Variants in TRPC5 observed in about 807,000 individuals in gnomAD.
TRPC5 encodes the protein transient receptor potential cation channel subfamily C member 5.
Under a neutral mutation model 56.5 loss-of-function variants are expected in TRPC5, and 9 were observed. The ratio of observed to expected loss-of-function variants is 0.16; its 90% CI spans 0.10 to 0.28. TRPC5 has a LOEUF of 0.28. TRPC5 is among the 10% of genes least tolerant of loss of function. The pLI, the probability that TRPC5 is intolerant of heterozygous loss-of-function variation, is 1.00. For missense variants in TRPC5, 469 were observed against 748.9 expected (o/e 0.63, Z 4.36); for synonymous variants, 282 against 278.5 (o/e 1.01, Z -0.13).
chrX:111,963,492 G>A (rs1475260625), intron 1 of TRPC5, among the ~76,000 whole-genome samples: 12 of 112,008 alleles, frequency 1.1e-4, no homozygotes, highest in African/African-American at 2.6e-4. Context: ...CTCCCAGCAC[G>A]CAGCTGGAGA....
Position 111,770,161 on chromosome X carries a change from T to C in TRPC5, c.*6152A>G, listed in dbSNP as rs936260311. Reference sequence around the variant, plus strand: ...GATGACAGCAGATACATAATCTGGCTTTTTGCCATAGTGCCCTTCCTTACC... The same window carrying C: ...GATGACAGCAGATACATAATCTGGCCTTTTGCCATAGTGCCCTTCCTTACC... On this transcript the variant is annotated 3_prime_UTR_variant, in exon 11 of 11. Transcript: ENST00000262839. 1.8e-5 allele frequency among the ~76,000 whole-genome samples: 2 copies of C among 112,254 alleles called. No homozygotes were observed. Among genetic ancestry groups the C allele is most frequent in the African/African-American group, 3.2e-5 (1 of 30,915 alleles).
intron 7 of TRPC5, among the ~76,000 whole-genome samples, chrX:111,802,116 G>A (rs746590062): frequency 1.1e-4 from 12 of 111,930 alleles, no homozygotes; most frequent in Admixed American, 3.8e-4. Flanking sequence ...TCTCAGCACC[G>A]TTTGTTAGAA....
chrX:111,938,563 T>C (rs934789312), intron 2 of TRPC5, among the ~76,000 whole-genome samples: 72 of 111,531 alleles, frequency 6.5e-4, no homozygotes, highest in African/African-American at 2.3e-3. Context: ...TGAAGGGTTG[T>C]TGAATTTTGT....
intron 7 of TRPC5, among the ~76,000 whole-genome samples, chrX:111,811,957 A>G (rs1256585501): frequency 1.8e-5 from 2 of 111,438 alleles, no homozygotes; most frequent in Non-Finnish European, 3.8e-5. Flanking sequence ...TAGATATTCA[A>G]TCAGTATTTC....
At chrX:111,904,113 G>A (rs1925496938) in intron 3 of TRPC5, 2 of 112,038 alleles carry the variant, frequency 1.8e-5, no homozygotes, top group African/African-American at 6.5e-5. Flanking sequence ...GGATTCTGAA[G>A]TTATACTTCT....
chrX:111,907,643 A>AAAT lies in TRPC5; in HGVS notation c.900+4645_900+4647dup, dbSNP rs375222117. On this transcript the variant is annotated intron_variant, in intron 3 of 10. Transcript: ENST00000262839. ...CTGTCTCAAAAATAAAAATAAAAAT[A>AAAT]AATAATAATAATAATAATAATGGAA... Among the ~76,000 whole-genome samples the AAAT allele has an allele frequency of 4.8e-3, 523 of 109,302 alleles. 3 individuals carry two copies. The highest frequency in any genetic ancestry group is 0.016 in the African/African-American group (495 of 30,105). The allele number at this position is 109,302 out of a possible 115,157, so 94.9% of individuals were successfully genotyped here. A position where few individuals can be genotyped will look rare whatever the true frequency, so the allele number is the denominator to read the frequency against.
intron 1 of TRPC5, among the ~76,000 whole-genome samples, chrX:112,056,933 T>C (rs914937521): frequency 2.7e-5 from 3 of 112,583 alleles, no homozygotes; most frequent in Non-Finnish European, 5.6e-5. Context: ...ATCTTGTAAA[T>C]TATTCAGAAA....
intron 3 of TRPC5, among the ~76,000 whole-genome samples, chrX:111,884,832 G>A (rs757939121): frequency 4.4e-5 from 5 of 112,879 alleles, no homozygotes; most frequent in Admixed American, 2.8e-4. Context: ...TAAGTCTAGA[G>A]GAGACATAGA....
intron 1 of TRPC5, among the ~76,000 whole-genome samples, chrX:112,042,943 T>G (rs1158673755): frequency 5.4e-5 from 6 of 111,753 alleles, no homozygotes. Flanking sequence ...CTCTTTTATA[T>G]GCTTATGCAA....
chrX:112,006,721 G>A (rs1250879497), intron 1 of TRPC5, among the ~76,000 whole-genome samples: 1 of 111,965 alleles, frequency 8.9e-6, no homozygotes, highest in Non-Finnish European at 1.9e-5. Flanking sequence ...ACCAGGCTGC[G>A]AGGTTTGGGT....
intron 7 of TRPC5, among the ~76,000 whole-genome samples, chrX:111,798,436 A>G (rs554005789): frequency 2.5e-3 from 285 of 112,059 alleles, no homozygotes; most frequent in Middle Eastern, 0.018. Context: ...GTTCTTGCAT[A>G]TTTTTATTGT....
intron 1 of TRPC5, among the ~76,000 whole-genome samples, chrX:112,033,053 G>T (rs1929627367): frequency 1.8e-5 from 2 of 109,282 alleles, no homozygotes; most frequent in Non-Finnish European, 3.8e-5. Context: ...AAAAGGATGA[G>T]TTCATGTCCT....
At chrX:112,031,599 T>C (rs748507028) in intron 1 of TRPC5, among the ~76,000 whole-genome samples, 1 of 110,657 alleles carries the variant, frequency 9.0e-6, no homozygotes, top group South Asian at 3.8e-4. Context: ...AAAAATAATT[T>C]ATTGAGGTGA....
At chrX:111,851,388 C>G (rs1442131864) in intron 5 of TRPC5, among the ~76,000 whole-genome samples, 1 of 111,050 alleles carries the variant, frequency 9.0e-6, no homozygotes, top group Admixed American at 9.7e-5. Flanking sequence ...GACAGCAATC[C>G]CATTATTTAA....
At chrX:111,790,612 G>C (rs1436601847) in intron 7 of TRPC5, among the ~76,000 whole-genome samples, 1 of 111,365 alleles carries the variant, frequency 9.0e-6, no homozygotes, top group Non-Finnish European at 1.9e-5. Context: ...GCTAGCTTTT[G>C]GGAAGCTTTT....
At chrX:111,832,833 GT>G (rs1418927873) in intron 7 of TRPC5, among the ~76,000 whole-genome samples, 2 of 111,131 alleles carry the variant, frequency 1.8e-5, no homozygotes, top group African/African-American at 6.6e-5. Flanking sequence ...GGGAGCTGGA[GT>G]TGATTATTTT....
intron 3 of TRPC5, among the ~76,000 whole-genome samples, chrX:111,888,716 A>G (rs1013143800): frequency 5.7e-5 from 6 of 104,577 alleles, no homozygotes; most frequent in Admixed American, 2.1e-4. Context: ...AAAAAAAAAA[A>G]AAAGAAAGAA....
chrX:112,018,105 T>C, intron 1 of TRPC5, among the ~76,000 whole-genome samples: 1 of 112,471 alleles, frequency 8.9e-6, no homozygotes, highest in East Asian at 2.8e-4. Context: ...AGGTAATAAA[T>C]GCAAATGGCA....
intron 10 of TRPC5, 51 bp from the exon 11 acceptor site, chrX:111,777,053 A>C (rs761185557): frequency 9.8e-7 from 1 of 1,015,928 alleles, no homozygotes; most frequent in Non-Finnish European, 1.3e-6. Context: ...TCTTTATTTC[A>C]AAGTAGGCAC....
Sources: allele counts gnomAD v4.1 joint callset (sites outside exome capture counted in the v4.1 genomes callset), GRCh38; gene constraint gnomAD v4.1.1; transcripts MANE v1.5; gene names NCBI Gene and HGNC (gene_info 2026-07-23, HGNC 2026-07-21).